AGAP3: variants seen among roughly 807,000 people sequenced by gnomAD.
AGAP3 encodes the protein ArfGAP with GTPase domain, ankyrin repeat and PH domain 3, also known as arf-GAP with GTPase, ANK repeat and PH domain-containing protein 3.
A neutral mutation model predicts 96.9 loss-of-function variants in AGAP3; 24 were observed. The observed-to-expected ratio is 0.25, with a 90% CI of 0.18 to 0.35. AGAP3 has a LOEUF of 0.35. Ranked by LOEUF, AGAP3 falls within the 10% of genes least tolerant of loss-of-function variation. The pLI is 1.00. For missense variants in AGAP3, 876 were observed against 1,254.2 expected, an observed-to-expected ratio of 0.70 and a Z score of 4.55; for synonymous variants, 563 against 536.1, an observed-to-expected ratio of 1.05 and a Z score of -0.69.
At position 151,108,871 on chromosome 7, in the gene AGAP3, C is replaced by T. The variant is rs1309966039; in HGVS notation, c.332-7922C>T. On this transcript the variant is annotated intron_variant, in intron 1 of 17. Transcript: ENST00000397238. This position sits in a 1 kb window ranked among gnomAD's most constrained non-coding sequence, Gnocchi z 4.2. ...TAAAAGGAGAGGATGAACCAGAACA[C>T]GAGTTCTGAACCTGGAACCCATGGC... is the stretch of plus-strand genomic sequence containing the variant. Among the ~76,000 whole-genome samples the T allele has an allele frequency of 1.3e-5, 2 of 152,172 alleles. No individual in the cohort carries two copies. Among genetic ancestry groups the T allele is most frequent in the Non-Finnish European group, 2.9e-5 (2 of 68,022 alleles).
chr7:151,101,408 T>C (rs960014859), intron 1 of AGAP3, among the ~76,000 whole-genome samples: 7 of 152,176 alleles, frequency 4.6e-5, no homozygotes, highest in South Asian at 4.1e-4. Flanking sequence ...GGCAGGGATA[T>C]CAGGATCAGG....
chr7:151,142,741 GTC>G lies in AGAP3; in HGVS notation c.2273+109_2273+110del. ...TGATGGTATTAGAAGGGTTAAAACT[GTC>G]TGTTGCTCTGCTTGGCAGTTGGCCC... On this transcript the variant is annotated intron_variant, in intron 16 of 17. Transcript: ENST00000397238. The surrounding 1 kb of genome is among the most constrained non-coding windows in gnomAD (Gnocchi z 7.5). The G allele has an allele frequency of 8.1e-7, 1 of 1,240,048 alleles. No individual in the cohort carries two copies. The highest frequency in any genetic ancestry group is 1.1e-6 in the Non-Finnish European group (1 of 895,226). 76.8% of individuals were successfully genotyped at this position (1,240,048 alleles called of 1,614,324 possible). A position where few individuals can be genotyped will look rare whatever the true frequency, so the allele number is the denominator to read the frequency against.
rs779593432 is a variant in AGAP3, at chr7:151,142,530, G to T, written c.2169G>T (p.Pro723=). 1 of 1,613,706 alleles carries T rather than the reference G, an allele frequency of 6.2e-7. No individual in the cohort carries two copies. The highest frequency in any genetic ancestry group is 2.2e-5 in the East Asian group (1 of 44,864). ...GCTCCCTTGACCTCGATGACTGGCC[G>T]CCTGAGCTGCTGGCTGTCATGACTG... The part of the protein sequence containing the change: ...RVRSLDLDDW[P]PELLAVMTAM... Residue 723 remains proline, a synonymous_variant, in exon 16 of 18, where the codon CCG becomes CCT. Transcript: ENST00000397238. This position sits in a 1 kb window ranked among gnomAD's most constrained non-coding sequence, Gnocchi z 7.5.
At chr7:151,137,536 G>A (rs35151345) in intron 11 of AGAP3, among the ~76,000 whole-genome samples, 21,138 of 152,076 alleles carry the variant, frequency 0.14, 1,511 homozygotes, top group African/African-American at 0.15. Flanking sequence ...GAATTGTGCG[G>A]CGCTCTGTCC....
intron 9 of AGAP3, among the ~76,000 whole-genome samples, chr7:151,126,839 A>G (rs995621815): frequency 6.6e-6 from 1 of 151,968 alleles, no homozygotes; most frequent in Non-Finnish European, 1.5e-5. Context: ...GTTTTCAGAA[A>G]CCCCTTTTGA....
At chr7:151,137,221 G>A (rs1800631692) in intron 11 of AGAP3, among the ~76,000 whole-genome samples, 1 of 152,234 alleles carries the variant, frequency 6.6e-6, no homozygotes, top group Admixed American at 6.5e-5. Context: ...CCCTTCCCCT[G>A]GCTGGGCCTC....
At chr7:151,095,891 G>T (rs573438109) in intron 1 of AGAP3, among the ~76,000 whole-genome samples, 1 of 151,858 alleles carries the variant, frequency 6.6e-6, no homozygotes, top group East Asian at 1.9e-4. Flanking sequence ...ATGAAGCCTG[G>T]CCTTCATTTC....
In AGAP3 at chr7:151,118,235, G is replaced by A. The variant is rs562236426; in HGVS notation, c.732G>A (p.Arg244=). 1.8e-5 allele frequency: 29 copies of A among 1,612,026 alleles called. No individual in the cohort carries two copies. In the South Asian group the frequency reaches 3.2e-4, roughly 18 times the overall value. Reference sequence around the variant, plus strand: ...ATGCCATCAGCGCTGCGAATCCCCGGGTTATCGACGACAGCAGAGCCCGCA... The same window carrying A: ...ATGCCATCAGCGCTGCGAATCCCCGAGTTATCGACGACAGCAGAGCCCGCA... ...TQDAISAANP[R]VIDDSRARKL... Residue 244 remains arginine (R), a synonymous_variant, in exon 6 of 18, where the codon CGG becomes CGA. Transcript: ENST00000397238. This position sits in a 1 kb window ranked among gnomAD's most constrained non-coding sequence, Gnocchi z 6.1.
Position 151,117,127 on chromosome 7 carries a change from A to G in AGAP3, c.423A>G (p.Ser141=), listed in dbSNP as rs370317322. ...GIVGNLSSGK[S]ALVHRYLTGT... is the part of the protein sequence containing the mutation. ...TGGGGAACCTGTCTAGCGGGAAGTC[A>G]GCCCTGGTGCACCGCTATCTGACGG... Residue 141 remains serine, a synonymous_variant, in exon 3 of 18, where the codon TCA becomes TCG. Transcript: ENST00000397238. 16 of 1,613,990 alleles carry G rather than the reference A, an allele frequency of 9.9e-6. No homozygotes were observed. Among genetic ancestry groups the G allele is most frequent in the Admixed American group, 1.7e-5 (1 of 60,010 alleles).
At chr7:151,088,919 A>G (rs1184522865) in intron 1 of AGAP3, among the ~76,000 whole-genome samples, 4 of 152,066 alleles carry the variant, frequency 2.6e-5, no homozygotes, top group Admixed American at 2.0e-4. Context: ...GGTTCCGTCT[A>G]CTAGGCCTGG....
intron 9 of AGAP3, among the ~76,000 whole-genome samples, chr7:151,125,485 T>C (rs1239771483): frequency 1.3e-5 from 2 of 152,222 alleles, no homozygotes; most frequent in South Asian, 2.1e-4. Flanking sequence ...GCCCTCTAGC[T>C]GCACAGCCCA....
At chr7:151,112,483 A>T (rs1799338087) in intron 1 of AGAP3, among the ~76,000 whole-genome samples, 1 of 148,180 alleles carries the variant, frequency 6.7e-6, no homozygotes, top group Non-Finnish European at 1.5e-5. Context: ...TTCCCATCCT[A>T]CTGTTCTCCC....
intron 10 of AGAP3, among the ~76,000 whole-genome samples, chr7:151,129,129 G>A (rs1305429002): frequency 6.6e-6 from 1 of 152,058 alleles, no homozygotes; most frequent in Non-Finnish European, 1.5e-5. Context: ...TGGTTAGGAG[G>A]GTCTGGTGGC....
At chr7:151,102,401 C>T (rs1798867041) in intron 1 of AGAP3, among the ~76,000 whole-genome samples, 1 of 152,164 alleles carries the variant, frequency 6.6e-6, no homozygotes, top group Non-Finnish European at 1.5e-5. Context: ...ACAAGATTGA[C>T]AGCTTCTGCT....
chr7:151,108,431 C>A lies in AGAP3; in HGVS notation c.332-8362C>A, dbSNP rs1799146389. ...GCTCTCGGTCCTGTGGCTCTCTCTGCCACCCGCACCCCCACCAGCACCTCT... is the reference window on the plus strand; with the variant it reads ...GCTCTCGGTCCTGTGGCTCTCTCTGACACCCGCACCCCCACCAGCACCTCT... On this transcript the variant is annotated intron_variant, in intron 1 of 17. Transcript: ENST00000397238. This position sits in a 1 kb window ranked among gnomAD's most constrained non-coding sequence, Gnocchi z 4.2. 6.6e-6 allele frequency among the ~76,000 whole-genome samples: 1 copy of A among 152,164 alleles called. No homozygotes were observed. Among genetic ancestry groups the A allele is most frequent in the Non-Finnish European group, 1.5e-5 (1 of 68,034 alleles).
intron 1 of AGAP3, among the ~76,000 whole-genome samples, chr7:151,097,532 AAAAG>A (rs1798656935): frequency 6.6e-6 from 1 of 151,800 alleles, no homozygotes. Flanking sequence ...AAAAAAAAAA[AAAAG>A]AAAAAGAAAA....
At chr7:151,106,958 A>G (rs1424566051) in intron 1 of AGAP3, among the ~76,000 whole-genome samples, 1 of 152,138 alleles carries the variant, frequency 6.6e-6, no homozygotes, top group Non-Finnish European at 1.5e-5. Context: ...CTTCCTCCAC[A>G]TCAGTCCTGC....
In AGAP3 at chr7:151,114,752, G is replaced by C; in HGVS notation, c.332-2041G>C. On this transcript the variant is annotated intron_variant, in intron 1 of 17. Coordinates refer to ENST00000397238, the MANE Select transcript of AGAP3 (RefSeq NM_031946.7). The surrounding 1 kb of genome is among the most constrained non-coding windows in gnomAD (Gnocchi z 4.4). ...GTGCCCCTCGCCATGGGCCTGGCCC[G>C]CGCCCGCCGGCCCTGAGCATGGAGC... The C allele has an allele frequency of 9.8e-7, 1 of 1,017,004 alleles. No homozygotes were observed. The highest frequency in any genetic ancestry group is 1.2e-6 in the Non-Finnish European group (1 of 851,798). The allele number at this position is 1,017,004 out of a possible 1,614,324, so 63.0% of individuals were successfully genotyped here.
intron 1 of AGAP3, among the ~76,000 whole-genome samples, chr7:151,103,625 C>G (rs1277497035): frequency 6.6e-6 from 1 of 152,216 alleles, no homozygotes; most frequent in Non-Finnish European, 1.5e-5. Context: ...TGAGGACAGG[C>G]ACATCATTCT....
Sources: gnomAD v4.1 joint callset for allele counts (sites outside exome capture counted in the v4.1 genomes callset) on GRCh38, gnomAD v4.1.1 for gene constraint, Gnocchi (gnomAD v3.1) non-coding constraint, MANE v1.5 for transcripts, NCBI Gene and HGNC (gene_info 2026-07-23, HGNC 2026-07-21) for gene names.